Variants in ELAVL2 observed in about 807,000 individuals in gnomAD.
ELAVL2 encodes the protein ELAV like RNA binding protein 2, also known as ELAV-like protein 2.
In ELAVL2, 4 loss-of-function variants were observed where a neutral mutation model predicts 34.6. That is an observed-to-expected ratio of 0.12 (90% CI 0.06 to 0.26). The LOEUF (loss-of-function observed/expected upper bound fraction) is 0.26. ELAVL2 is among the 10% of genes least tolerant of loss of function. The pLI is 1.00. For synonymous variants in ELAVL2, 193 were observed against 154.8 expected (o/e 1.25, Z -1.83); for missense variants, 432 against 442.8 (o/e 0.98, Z 0.22).
chr9:23,761,291 G>T (rs1222184523), intron 2 of ELAVL2, among the ~76,000 whole-genome samples: 1 of 151,914 alleles, frequency 6.6e-6, no homozygotes, highest in Non-Finnish European at 1.5e-5. Flanking sequence ...TTTAGTGTTT[G>T]AAAACAACTC....
At position 23,690,992 on chromosome 9, in the gene ELAVL2, G is replaced by A. The variant is rs2032985716; in HGVS notation, c.*1565C>T. The A allele has an allele frequency of 6.6e-6, 1 of 152,406 alleles. No homozygotes were observed. The highest frequency in any genetic ancestry group is 2.4e-5 in the African/African-American group (1 of 41,400). 9.4% of individuals were successfully genotyped at this position (152,406 alleles called of 1,614,324 possible). A position where few individuals can be genotyped will look rare whatever the true frequency, so the allele number is the denominator to read the frequency against. On this transcript the variant is annotated 3_prime_UTR_variant, in exon 7 of 7. Coordinates refer to ENST00000397312, the MANE Select transcript of ELAVL2 (RefSeq NM_004432.5). ...ATGATTTTTGTATGAAAAATGTAAG[G>A]AAATTTGTTCAAAACCTATGGTTAT...
At chr9:23,782,240 C>G (rs1473136648) in intron 1 of ELAVL2, among the ~76,000 whole-genome samples, 1 of 152,178 alleles carries the variant, frequency 6.6e-6, no homozygotes, top group Non-Finnish European at 1.5e-5. Context: ...TATAGCTATT[C>G]CTGAAAAATT....
chr9:23,710,012 G>C (rs73654358), intron 3 of ELAVL2, among the ~76,000 whole-genome samples: 1,666 of 152,268 alleles, frequency 0.011, 48 homozygotes, highest in African/African-American at 0.037. Context: ...GAGGGAAGGG[G>C]AGGGACGGGG....
chr9:23,744,580 T>C (rs931734575), intron 2 of ELAVL2, among the ~76,000 whole-genome samples: 1 of 152,110 alleles, frequency 6.6e-6, no homozygotes, highest in South Asian at 2.1e-4. Flanking sequence ...ATTCTAGTTA[T>C]CCTAATTGAC....
At chr9:23,698,351 C>T (rs137900482) in intron 5 of ELAVL2, among the ~76,000 whole-genome samples, 9 of 152,290 alleles carry the variant, frequency 5.9e-5, no homozygotes, top group Admixed American at 2.0e-4. Context: ...GCTCATATTA[C>T]AACAATTCTC....
chr9:23,842,156 A>C, the ELAVL2 span, among the ~76,000 whole-genome samples: 3 of 152,270 alleles, frequency 2.0e-5, no homozygotes, highest in Admixed American at 2.0e-4. Context: ...GGCTCTTTGA[A>C]ATTTCAGAGA....
intron 1 of ELAVL2, among the ~76,000 whole-genome samples, chr9:23,777,663 G>A (rs756429243): frequency 1.3e-5 from 2 of 152,078 alleles, no homozygotes; most frequent in Non-Finnish European, 2.9e-5. Context: ...AGCAAGAACG[G>A]TAAATTAAAA....
At position 23,790,069 on chromosome 9, in the gene ELAVL2, A is replaced by G. The variant is rs532957583; in HGVS notation, c.-15-27820T>C. Among the ~76,000 whole-genome samples the G allele has an allele frequency of 5.3e-3, 759 of 143,550 alleles. 8 individuals are homozygous for G. Among genetic ancestry groups the G allele is most frequent in the South Asian group, 0.013 (59 of 4,484 alleles). The allele number at this position is 143,550 out of a possible 152,430, so 94.2% of individuals were successfully genotyped here. ...TGACAGGTTGATGGTAAAAAAGGGG[A>G]AAAAAAAAAAACAACCTTTCAACAA... On this transcript the variant is annotated intron_variant, in intron 1 of 6. Transcript: ENST00000397312.
At chr9:23,710,911 G>A (rs2040762117) in intron 3 of ELAVL2, among the ~76,000 whole-genome samples, 1 of 152,066 alleles carries the variant, frequency 6.6e-6, no homozygotes. Context: ...CACAGAAGAA[G>A]GGGGATCTCT....
intron 2 of ELAVL2, among the ~76,000 whole-genome samples, chr9:23,750,464 A>G (rs549301052): frequency 6.6e-6 from 1 of 152,316 alleles, no homozygotes; most frequent in South Asian, 2.1e-4. Context: ...CAAACCTGGT[A>G]TAACATTGTT....
chr9:23,724,531 GA>G (rs1178972032), intron 3 of ELAVL2, among the ~76,000 whole-genome samples: 1 of 152,016 alleles, frequency 6.6e-6, no homozygotes. Context: ...CTTTTTGTAT[GA>G]AAAAAATTAA....
At chr9:23,752,865 C>T (rs1344542185) in intron 2 of ELAVL2, among the ~76,000 whole-genome samples, 2 of 152,190 alleles carry the variant, frequency 1.3e-5, no homozygotes, top group East Asian at 3.9e-4. Flanking sequence ...AATGATCACC[C>T]CTCGATTACA....
At chr9:23,709,688 A>G (rs887777951) in intron 3 of ELAVL2, among the ~76,000 whole-genome samples, 1 of 152,180 alleles carries the variant, frequency 6.6e-6, no homozygotes, top group African/African-American at 2.4e-5. Context: ...CTCCACTGCA[A>G]TCTGTTCTCC....
intron 4 of ELAVL2, among the ~76,000 whole-genome samples, chr9:23,702,663 T>G (rs1394352719): frequency 6.6e-6 from 1 of 151,914 alleles, no homozygotes; most frequent in Non-Finnish European, 1.5e-5. Flanking sequence ...TTTTCTAATG[T>G]AGACAAAGCA....
chr9:23,835,058 G>C, the ELAVL2 span, among the ~76,000 whole-genome samples: 2 of 151,998 alleles, frequency 1.3e-5, no homozygotes, highest in Non-Finnish European at 2.9e-5. Flanking sequence ...AAGGTTCATA[G>C]AGATAGTTTT....
upstream of ELAVL2, among the ~76,000 whole-genome samples, chr9:23,830,625 C>CACACACACACACACA (rs1554774159): frequency 7.0e-4 from 99 of 141,980 alleles, no homozygotes; most frequent in African/African-American, 1.3e-3. Flanking sequence ...CACACACACA[C>CACACACACACACACA]CTTTTTTTTT....
At chr9:23,793,841 G>C (rs2060600842) in intron 1 of ELAVL2, among the ~76,000 whole-genome samples, 1 of 151,984 alleles carries the variant, frequency 6.6e-6, no homozygotes, top group South Asian at 2.1e-4. Flanking sequence ...CTCCCTACTG[G>C]TTCCAATTTA....
At chr9:23,744,581 C>A (rs1050144079) in intron 2 of ELAVL2, among the ~76,000 whole-genome samples, 1 of 151,936 alleles carries the variant, frequency 6.6e-6, no homozygotes, top group African/African-American at 2.4e-5. Context: ...TTCTAGTTAT[C>A]CTAATTGACA....
intron 1 of ELAVL2, among the ~76,000 whole-genome samples, chr9:23,824,245 G>A (rs1301582547): frequency 6.6e-6 from 1 of 152,194 alleles, no homozygotes; most frequent in Non-Finnish European, 1.5e-5. Flanking sequence ...ATTTGTCACA[G>A]TTGTATAGCT....
Sources: gnomAD v4.1 joint callset for allele counts (sites outside exome capture counted in the v4.1 genomes callset) on GRCh38, gnomAD v4.1.1 for gene constraint, MANE v1.5 for transcripts, NCBI Gene and HGNC (gene_info 2026-07-23, HGNC 2026-07-21) for gene names.